Variants in PFKL observed in about 807,000 individuals in gnomAD.
The protein encoded by PFKL is ATP-dependent 6-phosphofructokinase, liver type.
PFKL carries 74 observed loss-of-function variants against 92.1 expected under a neutral mutation model. The observed-to-expected ratio is 0.80, with a 90% CI of 0.67 to 0.97. The LOEUF is 0.97. PFKL is among the 50% of genes least tolerant of loss of function. PFKL has a pLI of 0.00. For synonymous variants in PFKL, 494 were observed against 456.4 expected, an observed-to-expected ratio of 1.08 and a Z score of -1.05; for missense variants, 1,028 against 1,116.6, an observed-to-expected ratio of 0.92 and a Z score of 1.13.
intron 5 of PFKL, among the ~76,000 whole-genome samples, chr21:44,313,377 G>A (rs774002504): frequency 1.6e-4 from 25 of 152,242 alleles, no homozygotes; most frequent in Admixed American, 6.5e-5. Context: ...CTTGCCCTGG[G>A]GTGTGACGCC....
intron 14 of PFKL, among the ~76,000 whole-genome samples, chr21:44,322,505 G>T (rs1170674094): frequency 6.6e-6 from 1 of 152,186 alleles, no homozygotes; most frequent in East Asian, 1.9e-4. Flanking sequence ...CAGCACTCTG[G>T]CTGAGGCTAT....
intron 3 of PFKL, among the ~76,000 whole-genome samples, chr21:44,311,714 C>T (rs2047053157): frequency 6.6e-6 from 1 of 152,178 alleles, no homozygotes; most frequent in Non-Finnish European, 1.5e-5. Context: ...CACGTGAGCG[C>T]ACCTGGAGCT....
intron 1 of PFKL, chr21:44,306,061 C>T: frequency 2.4e-6 from 2 of 826,886 alleles, no homozygotes; most frequent in Non-Finnish European, 3.4e-6. Context: ...CCAGCAGGTG[C>T]TTTCCTCAGT....
In PFKL at chr21:44,304,172, G is replaced by A. The variant is rs8134520; in HGVS notation, c.86-2509G>A. 243,336 of 1,273,138 alleles carry A rather than the reference G, an allele frequency of 0.19. 24,535 individuals are homozygous for A. The highest frequency in any genetic ancestry group is 0.34 in the African/African-American group (22,218 of 64,802). 78.9% of individuals were successfully genotyped at this position (1,273,138 alleles called of 1,614,324 possible). On this transcript the variant is annotated intron_variant, in intron 1 of 21. Coordinates refer to ENST00000349048, the MANE Select transcript of PFKL (RefSeq NM_002626.6). Reference sequence around the variant, plus strand: ...GGGTTTTGGCAGCTTCATTGTCTCCGGGCGTCAAAGCAGGTTTTATTTTGC... The same window carrying A: ...GGGTTTTGGCAGCTTCATTGTCTCCAGGCGTCAAAGCAGGTTTTATTTTGC...
chr21:44,323,754 C>G lies in PFKL; in HGVS notation c.1498-12C>G. The stretch of plus-strand genomic sequence containing the variant: ...GTGCTGCCCTTGACCTGCCCCGTCC[C>G]TACTGCTGCAGGCCTATGAAGGGGT... On this transcript the variant is annotated splice_polypyrimidine_tract_variant and intron_variant, in intron 15 of 21. Transcript: ENST00000349048. 6.2e-7 allele frequency: 1 copy of G among 1,609,022 alleles called. No individual in the cohort carries two copies.
At chr21:44,320,429 A>G (rs1026937054) in intron 12 of PFKL, 5 of 323,738 alleles carry the variant, frequency 1.5e-5, no homozygotes, top group Non-Finnish European at 2.9e-5. Context: ...AGGAGAAGCC[A>G]TTGTGTAGAA....
intron 6 of PFKL, 108 bp from the exon 7 acceptor site, chr21:44,313,805 C>T (rs2047123396): frequency 7.6e-7 from 1 of 1,317,322 alleles, no homozygotes; most frequent in Non-Finnish European, 1.1e-6. Context: ...CGGGTGGGGG[C>T]CGGGAGAGAC....
At chr21:44,306,615 A>AGG in intron 1 of PFKL, 66 bp from the exon 2 acceptor site, 2 of 1,377,804 alleles carry the variant, frequency 1.5e-6, no homozygotes, top group Non-Finnish European at 1.0e-6. Flanking sequence ...GTCCTCTGAG[A>AGG]TGGGGAGGGT....
chr21:44,325,810 G>A (rs1162853060), intron 19 of PFKL, 151 bp from the exon 20 acceptor site: 5 of 615,124 alleles, frequency 8.1e-6, no homozygotes, highest in South Asian at 5.9e-5. Flanking sequence ...GTCCTCGATC[G>A]GGAACAGACG....
chr21:44,302,570 C>G (rs1332249643), intron 1 of PFKL, among the ~76,000 whole-genome samples: 3 of 152,318 alleles, frequency 2.0e-5, no homozygotes, highest in African/African-American at 7.2e-5. Context: ...CGAGGGGAAG[C>G]CTGTGGCATA....
At chr21:44,301,236 G>A (rs986738943) in intron 1 of PFKL, among the ~76,000 whole-genome samples, 4 of 152,224 alleles carry the variant, frequency 2.6e-5, no homozygotes, top group Admixed American at 6.5e-5. Context: ...GTCACTGTCT[G>A]AACCCCGGCC....
chr21:44,324,124 C>T (rs953958129), intron 16 of PFKL, among the ~76,000 whole-genome samples: 5 of 152,154 alleles, frequency 3.3e-5, no homozygotes, highest in South Asian at 2.1e-4. Context: ...CGTTGTTCCT[C>T]GCTACTGTGA....
intron 1 of PFKL, among the ~76,000 whole-genome samples, chr21:44,303,113 A>C (rs934895486): frequency 6.6e-6 from 1 of 152,098 alleles, no homozygotes; most frequent in Non-Finnish European, 1.5e-5. Flanking sequence ...GCGCATCTGT[A>C]ATCCCAGCTA....
chr21:44,323,983 G>A (rs1168701114), intron 16 of PFKL, 65 bp downstream of exon 16: 29 of 1,570,746 alleles, frequency 1.8e-5, no homozygotes, highest in Non-Finnish European at 2.2e-5. Context: ...TGAGCCTACG[G>A]AGGCTGCTGG....
At position 44,326,274 on chromosome 21, in the gene PFKL, A is replaced by C; in HGVS notation, c.2195+10A>C. 6.3e-7 allele frequency: 1 copy of C among 1,595,022 alleles called. No individual in the cohort carries two copies. Among genetic ancestry groups the C allele is most frequent in the East Asian group, 2.2e-5 (1 of 44,470 alleles). ...AAGACACTGATTTCGAGTGAGTTCCACCAAAGCCTCGTGGAGGCGGGTGGG... is the reference window on the plus strand; with the variant it reads ...AAGACACTGATTTCGAGTGAGTTCCCCCAAAGCCTCGTGGAGGCGGGTGGG... On this transcript the variant is annotated intron_variant, in intron 21 of 21. Transcript: ENST00000349048.
At chr21:44,305,951 G>C in intron 1 of PFKL, 1 of 1,339,326 alleles carries the variant, frequency 7.5e-7, no homozygotes, top group Non-Finnish European at 9.9e-7. Context: ...GGTCCCTGAG[G>C]CCCTGGGGCA....
intron 9 of PFKL, among the ~76,000 whole-genome samples, 159 bp from the exon 10 acceptor site, chr21:44,318,311 C>T (rs944087851): frequency 6.6e-6 from 1 of 152,224 alleles, no homozygotes; most frequent in African/African-American, 2.4e-5. Flanking sequence ...GTCGTGAATG[C>T]TGGTCAGACA....
chr21:44,312,447 C>G (rs1021655612), intron 4 of PFKL, among the ~76,000 whole-genome samples, 153 bp downstream of exon 4: 1 of 152,174 alleles, frequency 6.6e-6, no homozygotes, highest in Non-Finnish European at 1.5e-5. Flanking sequence ...GGAGTAGTGT[C>G]TGCCAGCACG....
At chr21:44,319,653 G>A in intron 11 of PFKL, 1 of 580,110 alleles carries the variant, frequency 1.7e-6, no homozygotes. Context: ...TCTGGGCATG[G>A]CGAGGGGATG....
Sources: gnomAD v4.1 joint callset for allele counts (sites outside exome capture counted in the v4.1 genomes callset) on GRCh38, gnomAD v4.1.1 for gene constraint, MANE v1.5 for transcripts, NCBI Gene and HGNC (gene_info 2026-07-23, HGNC 2026-07-21) for gene names.